The following ADAMTS20 variants were observed in gnomAD, a reference collection of about 807,000 sequenced individuals.
The protein encoded by ADAMTS20 is ADAM metallopeptidase with thrombospondin type 1 motif 20.
A neutral mutation model predicts 260.1 loss-of-function variants in ADAMTS20; 225 were observed. The observed-to-expected ratio is 0.87, with a 90% CI of 0.78 to 0.97. ADAMTS20 has a LOEUF of 0.97. Among genes scored for constraint, ADAMTS20 ranks in the 50% least tolerant of loss-of-function variants. The pLI is 0.00. For missense variants in ADAMTS20, 2,400 were observed against 2,337.7 expected (o/e 1.03, Z -0.55); for synonymous variants, 802 against 769.5 (o/e 1.04, Z -0.70).
At chr12:43,516,681 A>C (rs1943003743) in intron 3 of ADAMTS20, among the ~76,000 whole-genome samples, 1 of 152,096 alleles carries the variant, frequency 6.6e-6, no homozygotes, top group Non-Finnish European at 1.5e-5. Context: ...CCATTATTTT[A>C]ATCATTCCCT....
At chr12:43,355,678 G>C (rs1022010730) in intron 38 of ADAMTS20, among the ~76,000 whole-genome samples, 2 of 152,004 alleles carry the variant, frequency 1.3e-5, no homozygotes, top group Admixed American at 1.3e-4. Context: ...ATATAGGTGA[G>C]AACACCTATA....
chr12:43,376,983 A>G (rs1467864749), intron 32 of ADAMTS20, among the ~76,000 whole-genome samples: 1 of 152,258 alleles, frequency 6.6e-6, no homozygotes, highest in Admixed American at 6.5e-5. Flanking sequence ...AAGTTTGCAA[A>G]GTGATATTTA....
intron 3 of ADAMTS20, among the ~76,000 whole-genome samples, chr12:43,503,818 G>T (rs1206865437): frequency 1.3e-5 from 2 of 151,958 alleles, no homozygotes; most frequent in Non-Finnish European, 2.9e-5. Context: ...TGCAGTATTT[G>T]GTTTTCTGTT....
intron 29 of ADAMTS20, among the ~76,000 whole-genome samples, chr12:43,388,101 G>T (rs1940520782): frequency 6.6e-6 from 1 of 152,092 alleles, no homozygotes; most frequent in Non-Finnish European, 1.5e-5. Context: ...AGCTAGCTTG[G>T]TGTCTACCCA....
At chr12:43,499,320 C>T (rs1482299741) in intron 4 of ADAMTS20, among the ~76,000 whole-genome samples, 3 of 152,240 alleles carry the variant, frequency 2.0e-5, no homozygotes, top group South Asian at 2.1e-4. Flanking sequence ...ATGATAAGCA[C>T]ATGCATTGGT....
intron 16 of ADAMTS20, among the ~76,000 whole-genome samples, chr12:43,441,967 A>G (rs1941673779): frequency 6.6e-6 from 1 of 152,196 alleles, no homozygotes; most frequent in Admixed American, 6.6e-5. Context: ...TATTTAGTCT[A>G]TGACATAGAC....
At chr12:43,485,831 A>G (rs1942514612) in intron 7 of ADAMTS20, among the ~76,000 whole-genome samples, 1 of 152,132 alleles carries the variant, frequency 6.6e-6, no homozygotes, top group South Asian at 2.1e-4. Flanking sequence ...CAGCTGCAAA[A>G]AATAAAATAA....
intron 22 of ADAMTS20, 70 bp from the exon 23 acceptor site, chr12:43,430,541 T>A: frequency 7.2e-7 from 1 of 1,387,734 alleles, no homozygotes; most frequent in South Asian, 1.4e-5. Flanking sequence ...ATTTTCTTAA[T>A]GAATACCCTG....
At chr12:43,479,126 C>T (rs990498606) in intron 7 of ADAMTS20, among the ~76,000 whole-genome samples, 1 of 152,162 alleles carries the variant, frequency 6.6e-6, no homozygotes, top group African/African-American at 2.4e-5. Flanking sequence ...GACACACCAA[C>T]TCTATTTTTT....
intron 4 of ADAMTS20, among the ~76,000 whole-genome samples, chr12:43,501,475 G>GCACACACACACA (rs1353322850): frequency 8.1e-4 from 48 of 59,108 alleles, no homozygotes; most frequent in South Asian, 2.0e-3. Context: ...GCGCGCGCGC[G>GCACACACACACA]CGCGCGCACA....
chr12:43,386,712 C>T (rs1940486458), intron 29 of ADAMTS20, among the ~76,000 whole-genome samples: 1 of 152,184 alleles, frequency 6.6e-6, no homozygotes, highest in African/African-American at 2.4e-5. Flanking sequence ...CTAATCTTGT[C>T]TTCACACTTT....
intron 3 of ADAMTS20, among the ~76,000 whole-genome samples, chr12:43,515,724 A>G (rs1488932143): frequency 1.3e-5 from 2 of 152,206 alleles, no homozygotes; most frequent in Admixed American, 1.3e-4. Flanking sequence ...TATTAATAGT[A>G]CTTAATATGT....
At chr12:43,393,724 A>G (rs1356701461) in intron 29 of ADAMTS20, among the ~76,000 whole-genome samples, 1 of 152,042 alleles carries the variant, frequency 6.6e-6, no homozygotes, top group Non-Finnish European at 1.5e-5. Flanking sequence ...TTTCAAGGGA[A>G]TCAATAATAT....
Position 43,551,820 on chromosome 12 carries a change from G to C in ADAMTS20, c.91+11C>G, listed in dbSNP as rs776647311. On this transcript the variant is annotated intron_variant, in intron 1 of 38. Coordinates refer to ENST00000389420, the MANE Select transcript of ADAMTS20 (RefSeq NM_025003.5). The surrounding 1 kb of genome is among the most constrained non-coding windows in gnomAD (Gnocchi z 4.6). ...CACTTAGCCGCTGAAGGCGTCTCGC[G>C]GTGACTTTACCTTGCCTGGGGTGGA... 3 of 1,612,816 alleles carry C rather than the reference G, an allele frequency of 1.9e-6. No individual in the cohort carries two copies. The highest frequency in any genetic ancestry group is 2.5e-6 in the Non-Finnish European group (3 of 1,179,550).
Position 43,502,163 on chromosome 12 carries a change from G to C in ADAMTS20, c.856C>G (p.Leu286Val), listed in dbSNP as rs1357512331. 3 of 1,574,204 alleles carry C rather than the reference G, an allele frequency of 1.9e-6. No individual in the cohort carries two copies. Among genetic ancestry groups the C allele is most frequent in the Non-Finnish European group, 2.6e-6 (3 of 1,165,978 alleles). Residue 286 changes from leucine to valine, a missense_variant, in exon 4 of 39, where the codon CTA becomes GTA. Leu to Val is a conservative substitution (Grantham distance 32). Coordinates refer to ENST00000389420, the MANE Select transcript of ADAMTS20 (RefSeq NM_025003.5). ...GSNLQNYILT[L>V]MSIVATIYKD... ...TTAAGTTTACTTACAATTGACATTA[G>C]AGTCAGTATATAGTTTTGCAAATTC... is the stretch of plus-strand genomic sequence containing the variant.
At chr12:43,398,445 A>C (rs1940746597) in intron 29 of ADAMTS20, among the ~76,000 whole-genome samples, 1 of 152,038 alleles carries the variant, frequency 6.6e-6, no homozygotes, top group African/African-American at 2.4e-5. Context: ...ATTTTTGGTG[A>C]GTCTTTTCAT....
At chr12:43,435,361 C>T (rs2137315579) in intron 18 of ADAMTS20, among the ~76,000 whole-genome samples, 1 of 152,168 alleles carries the variant, frequency 6.6e-6, no homozygotes, top group South Asian at 2.1e-4. Context: ...AAAGTCTAGG[C>T]CGGGCGTGTT....
intron 2 of ADAMTS20, among the ~76,000 whole-genome samples, chr12:43,550,635 A>T (rs544281211): frequency 3.0e-4 from 46 of 152,274 alleles, no homozygotes; most frequent in African/African-American, 9.9e-4. Context: ...GTGGTCCCAC[A>T]GGCCACTCCC....
At chr12:43,398,384 G>A (rs946443400) in intron 29 of ADAMTS20, among the ~76,000 whole-genome samples, 18 of 152,068 alleles carry the variant, frequency 1.2e-4, no homozygotes, top group Non-Finnish European at 2.6e-4. Flanking sequence ...AGGCTAAATT[G>A]TCAGCCAGGG....
Sources: allele counts gnomAD v4.1 joint callset (sites outside exome capture counted in the v4.1 genomes callset), GRCh38; gene constraint gnomAD v4.1.1; non-coding constraint Gnocchi (gnomAD v3.1); transcripts MANE v1.5; gene names NCBI Gene and HGNC (gene_info 2026-07-23, HGNC 2026-07-21).